Variants in MPP3 observed in about 807,000 individuals in gnomAD.
MPP3 encodes the protein MAGUK p55 scaffold protein 3.
A neutral mutation model predicts 80.7 loss-of-function variants in MPP3; 48 were observed. That is an observed-to-expected ratio of 0.59 (90% CI 0.47 to 0.76). MPP3 has a LOEUF of 0.76. Among genes scored for constraint, MPP3 ranks in the 30% least tolerant of loss-of-function variants. The probability of loss-of-function intolerance (pLI) is 0.00; values close to 1 mark genes in which losing one functional copy is unlikely to be tolerated. For synonymous variants in MPP3, 311 were observed against 297.6 expected (o/e 1.04, Z -0.46); for missense variants, 620 against 763.0 (o/e 0.81, Z 2.21).
intron 10 of MPP3, among the ~76,000 whole-genome samples, chr17:43,823,433 T>A (rs2045555531): frequency 1.3e-5 from 2 of 151,688 alleles, no homozygotes; most frequent in Non-Finnish European, 3.0e-5. Context: ...AGGGTGACTG[T>A]AACTCTTTGT....
At chr17:43,823,281 T>TC (rs2045547025) in intron 10 of MPP3, among the ~76,000 whole-genome samples, 2 of 151,946 alleles carry the variant, frequency 1.3e-5, no homozygotes, top group African/African-American at 4.8e-5. Flanking sequence ...CATCCTCCCC[T>TC]CAAAGCCCCA....
intron 16 of MPP3, among the ~76,000 whole-genome samples, chr17:43,812,470 C>A (rs2044909561): frequency 6.6e-6 from 1 of 152,214 alleles, no homozygotes; most frequent in Admixed American, 6.5e-5. Context: ...CCCAACCTCT[C>A]AGCTCCATTT....
chr17:43,831,607 G>T lies in MPP3; in HGVS notation c.96C>A (p.Gly32=), dbSNP rs1397299542. The part of the protein sequence containing the change: ...RPDSNHKEEM[G]FLRDVFSEKS... ...TTTCACTGAAAACATCCCTCAGGAA[G>T]CCCATCTCCTCCTTGTGGTTGGAGT... The change falls in exon 4 of 20, where the codon GGC becomes GGA. Residue 32 remains glycine (G), a synonymous_variant. Coordinates refer to ENST00000398389, the MANE Select transcript of MPP3 (RefSeq NM_001932.6). 2 of 1,613,812 alleles carry T rather than the reference G, an allele frequency of 1.2e-6. No individual in the cohort carries two copies. Among genetic ancestry groups the T allele is most frequent in the East Asian group, 2.2e-5 (1 of 44,882 alleles).
chr17:43,821,293 C>T (rs2154591373), intron 10 of MPP3, among the ~76,000 whole-genome samples: 1 of 152,346 alleles, frequency 6.6e-6, no homozygotes, highest in East Asian at 1.9e-4. Flanking sequence ...AGCCCCATGA[C>T]TGAATGTCTC....
chr17:43,832,103 C>A (rs1814883041), intron 2 of MPP3, 160 bp from the exon 3 acceptor site: 1 of 640,482 alleles, frequency 1.6e-6, no homozygotes. Flanking sequence ...GGAAATAAAG[C>A]TAAGATGTGC....
chr17:43,808,340 T>G (rs752787172), intron 19 of MPP3, among the ~76,000 whole-genome samples: 17 of 152,114 alleles, frequency 1.1e-4, no homozygotes, highest in Non-Finnish European at 2.1e-4. Flanking sequence ...ACTGACCCTG[T>G]TAAGAACCAA....
intron 9 of MPP3, 28 bp from the exon 10 acceptor site, chr17:43,824,033 C>G (rs747889759): frequency 2.6e-6 from 4 of 1,541,516 alleles, no homozygotes; most frequent in Non-Finnish European, 2.7e-6. Flanking sequence ...AGAAGCTTCT[C>G]GCCTACCAGG....
At chr17:43,808,850 T>C in intron 19 of MPP3, 106 bp downstream of exon 19, 1 of 1,269,418 alleles carries the variant, frequency 7.9e-7, no homozygotes, top group Non-Finnish European at 1.1e-6. Flanking sequence ...GTAGAAGGTG[T>C]GTCCCGCATC....
At chr17:43,808,838 A>G (rs142700148) in intron 19 of MPP3, 118 bp downstream of exon 19, 1 of 1,170,804 alleles carries the variant, frequency 8.5e-7, no homozygotes, top group African/African-American at 1.6e-5. Flanking sequence ...AGACAATCAC[A>G]TGTAGAAGGT....
chr17:43,809,109 C>G, intron 18 of MPP3, 31 bp from the exon 19 acceptor site: 1 of 1,549,926 alleles, frequency 6.5e-7, no homozygotes, highest in Non-Finnish European at 8.7e-7. Flanking sequence ...ATATTATATA[C>G]TTTTGAAGTG....
intron 7 of MPP3, 118 bp downstream of exon 7, chr17:43,829,536 C>T (rs551464349): frequency 3.3e-6 from 4 of 1,214,488 alleles, no homozygotes; most frequent in East Asian, 5.0e-5. Context: ...AGCAGCAGCG[C>T]AGGCAAAGCT....
chr17:43,831,334 A>T lies in MPP3; in HGVS notation c.145-13T>A, dbSNP rs1186320484. The T allele has an allele frequency of 6.2e-7, 1 of 1,613,262 alleles. No individual in the cohort carries two copies. The highest frequency in any genetic ancestry group is 1.1e-5 in the South Asian group (1 of 91,072). Reference sequence around the variant, plus strand: ...GCTTCTCATGAATCTGCAAAGACAGAGTATTTCAGATGCACCCTGGACACC... The same window carrying T: ...GCTTCTCATGAATCTGCAAAGACAGTGTATTTCAGATGCACCCTGGACACC... On this transcript the variant is annotated splice_polypyrimidine_tract_variant and intron_variant, in intron 4 of 19. Coordinates refer to ENST00000398389, the MANE Select transcript of MPP3 (RefSeq NM_001932.6).
At position 43,823,924 on chromosome 17, in the gene MPP3, C is replaced by T; in HGVS notation, c.684+7G>A. ...AGAGAGGGCACCGCGGACCCACCTC[C>T]CCATACCTTGCTCTCCTTTAAGCGA... On this transcript the variant is annotated splice_region_variant and intron_variant, in intron 10 of 19. Transcript: ENST00000398389. 1.2e-6 allele frequency: 2 copies of T among 1,608,820 alleles called. No homozygotes were observed. The highest frequency in any genetic ancestry group is 1.7e-6 in the Non-Finnish European group (2 of 1,177,448).
chr17:43,808,787 G>A (rs1410951293), intron 19 of MPP3, among the ~76,000 whole-genome samples, 169 bp downstream of exon 19: 1 of 145,964 alleles, frequency 6.9e-6, no homozygotes, highest in African/African-American at 2.8e-5. Context: ...TTCTGGCCAT[G>A]TAATCATCTT....
rs771297904 is a variant in MPP3 at position 43,831,871 on chromosome 17, G to A, written c.25+11C>T. 5.6e-6 allele frequency: 9 copies of A among 1,603,388 alleles called. No individual in the cohort carries two copies. Among genetic ancestry groups the A allele is most frequent in the South Asian group, 2.2e-5 (2 of 90,014 alleles). On this transcript the variant is annotated intron_variant, in intron 3 of 19. Coordinates refer to ENST00000398389, the MANE Select transcript of MPP3 (RefSeq NM_001932.6). The stretch of plus-strand genomic sequence containing the variant: ...GGACTGTGGCAGGTCCAGCCGGGGG[G>A]AGGTACTTACCAGAGTCCTCCGATA...
chr17:43,808,265 A>G (rs1281662284), intron 19 of MPP3, among the ~76,000 whole-genome samples: 1 of 152,162 alleles, frequency 6.6e-6, no homozygotes, highest in Non-Finnish European at 1.5e-5. Context: ...AGTAAAGTCT[A>G]TTCTGGGACT....
intron 5 of MPP3, among the ~76,000 whole-genome samples, chr17:43,830,666 G>A (rs1422556632): frequency 6.6e-6 from 1 of 152,186 alleles, no homozygotes; most frequent in Non-Finnish European, 1.5e-5. Context: ...CCAGGGCTCT[G>A]CACCCACAAG....
rs1375031889 is a variant in MPP3, at chr17:43,814,353, G to A, written c.1018C>T (p.Arg340Trp). 3.7e-6 allele frequency: 6 copies of A among 1,601,704 alleles called. No homozygotes were observed. The highest frequency in any genetic ancestry group is 2.2e-5 in the East Asian group (1 of 44,856). ...YLKGHYVAGL[R>W]RSFRLGCRER... Reference sequence around the variant, plus strand: ...CTACAGCCCAGCCGGAAGCTCCTCCGAAGACCAGCTTGGGAGGAGGGGCAG... The same window carrying A: ...CTACAGCCCAGCCGGAAGCTCCTCCAAAGACCAGCTTGGGAGGAGGGGCAG... Residue 340 changes from arginine (R) to tryptophan (W), a missense_variant, in exon 15 of 20, where the codon CGG becomes TGG. By Grantham distance (101) the Arg-to-Trp change is moderately radical. Transcript: ENST00000398389.
Position 43,818,691 on chromosome 17 carries a change from G to A in MPP3, c.882-581C>T, listed in dbSNP as rs535119621. On this transcript the variant is annotated intron_variant, in intron 11 of 19. Coordinates refer to ENST00000398389, the MANE Select transcript of MPP3 (RefSeq NM_001932.6). ...TGTAATCCCAGTACTTTAGGAGGCCGAGGCGGGAGGATCACTTGAGGTCAG... is the reference window on the plus strand; with the variant it reads ...TGTAATCCCAGTACTTTAGGAGGCCAAGGCGGGAGGATCACTTGAGGTCAG... 2.0e-4 allele frequency among the ~76,000 whole-genome samples: 30 copies of A among 152,230 alleles called. 1 individual carries two copies. In the South Asian group the frequency reaches 5.4e-3, roughly 27 times the overall value.
Sources: gnomAD v4.1 joint callset for allele counts (sites outside exome capture counted in the v4.1 genomes callset) on GRCh38, gnomAD v4.1.1 for gene constraint, MANE v1.5 for transcripts, NCBI Gene and HGNC (gene_info 2026-07-23, HGNC 2026-07-21) for gene names.